Variants in GPC6 observed in about 807,000 individuals in gnomAD.
The protein encoded by GPC6 is glypican 6.
In GPC6, 14 loss-of-function variants were observed where a neutral mutation model predicts 55.2. That is an observed-to-expected ratio of 0.25 (90% CI 0.17 to 0.40). The LOEUF (loss-of-function observed/expected upper bound fraction) is 0.40. Ranked by LOEUF, GPC6 falls within the 10% of genes least tolerant of loss-of-function variation. The pLI, the probability that GPC6 is intolerant of heterozygous loss-of-function variation, is 1.00. For synonymous variants in GPC6, 278 were observed against 259.6 expected (o/e 1.07, Z -0.68); for missense variants, 641 against 708.5 (o/e 0.90, Z 1.08).
chr13:93,889,545 GT>G (rs143339465), intron 3 of GPC6, among the ~76,000 whole-genome samples: 137 of 152,144 alleles, frequency 9.0e-4, no homozygotes, highest in Non-Finnish European at 1.4e-3. Flanking sequence ...TTTAATATGG[GT>G]TTTCCCCCAT....
At chr13:93,956,031 A>G (rs1879492721) in intron 3 of GPC6, among the ~76,000 whole-genome samples, 1 of 152,094 alleles carries the variant, frequency 6.6e-6, no homozygotes, top group South Asian at 2.1e-4. Context: ...CCACTACTAG[A>G]GCCACTCCTG....
intron 4 of GPC6, among the ~76,000 whole-genome samples, chr13:94,094,812 C>G (rs1265727903): frequency 1.9e-5 from 2 of 107,180 alleles, no homozygotes; most frequent in African/African-American, 6.5e-5. Context: ...CTAGTGTAAT[C>G]ATTTAATAAA....
At chr13:93,835,479 C>T (rs769242906) in intron 3 of GPC6, among the ~76,000 whole-genome samples, 6 of 151,710 alleles carry the variant, frequency 4.0e-5, no homozygotes, top group Admixed American at 6.6e-5. Context: ...TCTGGCCAGG[C>T]GCAGGGCTCA....
intron 1 of GPC6, among the ~76,000 whole-genome samples, chr13:93,317,347 A>G (rs1186395309): frequency 6.6e-6 from 1 of 152,106 alleles, no homozygotes; most frequent in African/African-American, 2.4e-5. Flanking sequence ...CTTAATATTA[A>G]TCTTTACAAC....
At chr13:93,644,969 T>C (rs942026886) in intron 2 of GPC6, among the ~76,000 whole-genome samples, 1 of 152,010 alleles carries the variant, frequency 6.6e-6, no homozygotes, top group Non-Finnish European at 1.5e-5. Context: ...CTTGAGAACA[T>C]TTCAAAGCAA....
At chr13:93,449,995 G>A (rs565657233) in intron 1 of GPC6, among the ~76,000 whole-genome samples, 36 of 151,780 alleles carry the variant, frequency 2.4e-4, no homozygotes, top group African/African-American at 7.7e-4. Context: ...TGTTGGCCAC[G>A]ATGGTCTCGA....
At chr13:93,372,965 C>T (rs2139193608) in intron 1 of GPC6, among the ~76,000 whole-genome samples, 1 of 152,292 alleles carries the variant, frequency 6.6e-6, no homozygotes. Context: ...CTATTCCCTT[C>T]TGAGACATAT....
intron 6 of GPC6, among the ~76,000 whole-genome samples, chr13:94,345,901 C>A (rs1046924460): frequency 6.6e-6 from 1 of 152,120 alleles, no homozygotes; most frequent in Non-Finnish European, 1.5e-5. Flanking sequence ...AAGCATGCGC[C>A]CCCTGAAGGA....
At chr13:93,921,612 C>T (rs1877575228) in intron 3 of GPC6, among the ~76,000 whole-genome samples, 1 of 151,608 alleles carries the variant, frequency 6.6e-6, no homozygotes, top group South Asian at 2.1e-4. Flanking sequence ...TCAGATGCTC[C>T]TCTTCTCTCC....
intron 4 of GPC6, among the ~76,000 whole-genome samples, chr13:94,122,775 G>A (rs991325945): frequency 6.6e-6 from 1 of 152,048 alleles, no homozygotes; most frequent in African/African-American, 2.4e-5. Flanking sequence ...TGCAGATAAA[G>A]CTTCAACATT....
intron 1 of GPC6, among the ~76,000 whole-genome samples, chr13:93,452,690 T>C (rs1050573801): frequency 1.3e-5 from 2 of 152,198 alleles, no homozygotes; most frequent in African/African-American, 4.8e-5. Context: ...AGATTTTAAA[T>C]AAAATTTGAA....
intron 3 of GPC6, among the ~76,000 whole-genome samples, chr13:94,011,573 C>A (rs1360654446): frequency 6.6e-6 from 1 of 152,110 alleles, no homozygotes; most frequent in East Asian, 1.9e-4. Flanking sequence ...TTATGTTGTT[C>A]TCGGAATATG....
At chr13:93,530,032 G>C (rs1220025382) in intron 1 of GPC6, among the ~76,000 whole-genome samples, 1 of 152,180 alleles carries the variant, frequency 6.6e-6, no homozygotes, top group Non-Finnish European at 1.5e-5. Context: ...CTAAAGCAGT[G>C]AGCACTGCAA....
intron 6 of GPC6, among the ~76,000 whole-genome samples, chr13:94,351,979 A>AAAAAAAG (rs1878570131): frequency 7.0e-6 from 1 of 142,864 alleles, no homozygotes; most frequent in African/African-American, 2.7e-5. Context: ...AAAAAAAAAA[A>AAAAAAAG]AAAGAAAAAG....
chr13:94,384,797 C>T (rs1594229304), intron 7 of GPC6, among the ~76,000 whole-genome samples: 1 of 152,182 alleles, frequency 6.6e-6, no homozygotes, highest in Non-Finnish European at 1.5e-5. Flanking sequence ...AATACCCTAC[C>T]TCTTAAGCAA....
intron 3 of GPC6, among the ~76,000 whole-genome samples, chr13:93,908,816 C>A: frequency 6.6e-6 from 1 of 152,128 alleles, no homozygotes. Context: ...GCTTCCTAGT[C>A]CCACTGTCTG....
intron 6 of GPC6, among the ~76,000 whole-genome samples, chr13:94,332,532 G>A (rs913796966): frequency 1.3e-5 from 2 of 152,214 alleles, no homozygotes; most frequent in Non-Finnish European, 2.9e-5. Flanking sequence ...TTTGTTGCCA[G>A]TTTATTCTCT....
intron 2 of GPC6, among the ~76,000 whole-genome samples, chr13:93,784,996 A>C (rs1885777727): frequency 6.6e-6 from 1 of 152,208 alleles, no homozygotes; most frequent in Non-Finnish European, 1.5e-5. Context: ...TGACAGGAAT[A>C]AAAAGGAATA....
intron 4 of GPC6, among the ~76,000 whole-genome samples, chr13:94,119,286 G>T (rs1285874973): frequency 6.6e-6 from 1 of 152,032 alleles, no homozygotes; most frequent in East Asian, 1.9e-4. Context: ...AGTAAAAGAT[G>T]CAGTATGTCA....
Sources: gnomAD v4.1 joint callset for allele counts (sites outside exome capture counted in the v4.1 genomes callset) on GRCh38, gnomAD v4.1.1 for gene constraint, MANE v1.5 for transcripts, NCBI Gene and HGNC (gene_info 2026-07-23, HGNC 2026-07-21) for gene names.